The following GABRG3 variants were observed in gnomAD, a reference collection of about 807,000 sequenced individuals.
GABRG3 encodes the protein gamma-aminobutyric acid type A receptor subunit gamma3, also known as gamma-aminobutyric acid receptor subunit gamma-3.
A neutral mutation model predicts 48.8 loss-of-function variants in GABRG3; 25 were observed. The ratio of observed to expected loss-of-function variants is 0.51; its 90% CI spans 0.37 to 0.72. The LOEUF (loss-of-function observed/expected upper bound fraction) is 0.72. GABRG3 is among the 30% of genes least tolerant of loss of function. GABRG3 has a pLI of 0.00. For synonymous variants in GABRG3, 227 were observed against 217.6 expected (o/e 1.04, Z -0.38); for missense variants, 394 against 577.9 (o/e 0.68, Z 3.26).
At chr15:27,308,548 T>C (rs868069382) in intron 3 of GABRG3, among the ~76,000 whole-genome samples, 1 of 148,544 alleles carries the variant, frequency 6.7e-6, no homozygotes, top group African/African-American at 2.4e-5. Flanking sequence ...ATATATAATG[T>C]AAACATACAT....
At chr15:27,308,424 T>C (rs957634602) in intron 3 of GABRG3, among the ~76,000 whole-genome samples, 48 of 146,438 alleles carry the variant, frequency 3.3e-4, no homozygotes, top group Non-Finnish European at 6.5e-4. Flanking sequence ...ACATGTAATG[T>C]AAACATACCT....
intron 3 of GABRG3, among the ~76,000 whole-genome samples, chr15:27,132,988 T>A (rs988372135): frequency 6.6e-5 from 10 of 151,262 alleles, no homozygotes; most frequent in African/African-American, 1.9e-4. Flanking sequence ...TAATTTTTTT[T>A]ATGTGGTCTT....
chr15:27,432,087 A>C (rs1194023381), intron 5 of GABRG3, among the ~76,000 whole-genome samples: 1 of 152,118 alleles, frequency 6.6e-6, no homozygotes, highest in Non-Finnish European at 1.5e-5. Flanking sequence ...AGGATATTCC[A>C]TGTGTGCTTG....
In GABRG3 at chr15:27,052,065, G is replaced by A. The variant is rs1896464511; in HGVS notation, c.270+25244G>A. On this transcript the variant is annotated intron_variant, in intron 3 of 9. Coordinates refer to ENST00000615808, the MANE Select transcript of GABRG3 (RefSeq NM_033223.5). The stretch of plus-strand genomic sequence containing the variant: ...CAGATGAAGCTTCTCTTGCTCGCCC[G>A]CCTCTCACCTCCTGCTGTGTGGCCC... Among the ~76,000 whole-genome samples the A allele has an allele frequency of 2.0e-5, 3 of 152,160 alleles. No individual in the cohort carries two copies. The South Asian group carries it at 6.2e-4, about 32-fold the overall frequency.
intron 5 of GABRG3, among the ~76,000 whole-genome samples, chr15:27,360,993 A>G (rs145186538): frequency 1.2e-3 from 190 of 152,266 alleles, no homozygotes; most frequent in African/African-American, 3.2e-3. Flanking sequence ...AGTTTCCCCA[A>G]CTGAGAAAGG....
chr15:27,130,451 G>A (rs1308997306), intron 3 of GABRG3, among the ~76,000 whole-genome samples: 1 of 151,992 alleles, frequency 6.6e-6, no homozygotes, highest in Non-Finnish European at 1.5e-5. Flanking sequence ...CTGTAACTTT[G>A]TAGTAAGTTT....
At chr15:27,271,202 G>C (rs1398194314) in intron 3 of GABRG3, among the ~76,000 whole-genome samples, 1 of 152,206 alleles carries the variant, frequency 6.6e-6, no homozygotes, top group Non-Finnish European at 1.5e-5. Context: ...AAGGGAGAAA[G>C]GCTGTTCCAC....
chr15:27,493,599 C>T (rs903516204), intron 6 of GABRG3, among the ~76,000 whole-genome samples: 4 of 152,026 alleles, frequency 2.6e-5, no homozygotes, highest in African/African-American at 9.7e-5. Context: ...TGAAAGACTG[C>T]TCTGAAGTTA....
chr15:27,282,533 CTTT>C (rs929057873), intron 3 of GABRG3, among the ~76,000 whole-genome samples: 2 of 152,132 alleles, frequency 1.3e-5, no homozygotes, highest in Non-Finnish European at 2.9e-5. Flanking sequence ...TAGTTACTGT[CTTT>C]TTCAGTTCTA....
intron 3 of GABRG3, among the ~76,000 whole-genome samples, chr15:27,054,811 C>T (rs556186274): frequency 6.6e-6 from 1 of 152,212 alleles, no homozygotes; most frequent in African/African-American, 2.4e-5. Context: ...GTGCACCACA[C>T]TGAAGCCCTG....
intron 3 of GABRG3, among the ~76,000 whole-genome samples, chr15:27,027,996 T>G (rs538369153): frequency 6.6e-6 from 1 of 152,326 alleles, no homozygotes; most frequent in South Asian, 2.1e-4. Flanking sequence ...GGATATATGG[T>G]TACAGAATTA....
chr15:27,004,368 C>T (rs1595467094), intron 2 of GABRG3, among the ~76,000 whole-genome samples: 3 of 151,580 alleles, frequency 2.0e-5, no homozygotes, highest in African/African-American at 7.3e-5. Context: ...GGCAGAGACG[C>T]TCCTCACTTC....
chr15:27,130,910 T>A (rs1261199281), intron 3 of GABRG3, among the ~76,000 whole-genome samples: 1 of 152,042 alleles, frequency 6.6e-6, no homozygotes. Context: ...CCTAACAGGT[T>A]TTTTTCTTTG....
At chr15:27,375,655 G>A (rs976280411) in intron 5 of GABRG3, among the ~76,000 whole-genome samples, 2 of 152,184 alleles carry the variant, frequency 1.3e-5, no homozygotes, top group African/African-American at 4.8e-5. Flanking sequence ...AAGACAGCTT[G>A]TGCAGGGAGA....
chr15:27,441,771 A>C (rs1019974577), intron 5 of GABRG3, among the ~76,000 whole-genome samples: 1 of 152,114 alleles, frequency 6.6e-6, no homozygotes, highest in Non-Finnish European at 1.5e-5. Flanking sequence ...AGAAGCAGGC[A>C]TGCCCACACA....
At chr15:26,985,222 G>A (rs548927959) in intron 2 of GABRG3, among the ~76,000 whole-genome samples, 9 of 152,308 alleles carry the variant, frequency 5.9e-5, no homozygotes, top group African/African-American at 1.9e-4. Context: ...CTGGAGGAAG[G>A]TGCCACCAGG....
At chr15:27,182,048 G>A (rs1887949139) in intron 3 of GABRG3, among the ~76,000 whole-genome samples, 1 of 151,646 alleles carries the variant, frequency 6.6e-6, no homozygotes, top group Non-Finnish European at 1.5e-5. Context: ...CAACCCCATT[G>A]AGTGTTAGTA....
intron 5 of GABRG3, among the ~76,000 whole-genome samples, chr15:27,370,429 A>ACAAC (rs1334111284): frequency 6.6e-6 from 1 of 152,200 alleles, no homozygotes; most frequent in African/African-American, 2.4e-5. Context: ...TGGACATCAG[A>ACAAC]CAACCTAACG....
rs148431027 is a variant in GABRG3, at chr15:27,381,011, C to T, written c.574+52123C>T. ...CAATCTCCTGACCTCGTGATCCACC[C>T]GCCTCGGCCTCCCAAAGTGCTAGGA... On this transcript the variant is annotated intron_variant, in intron 5 of 9. Coordinates refer to ENST00000615808, the MANE Select transcript of GABRG3 (RefSeq NM_033223.5). Among the ~76,000 whole-genome samples the T allele has an allele frequency of 1.9e-3, 283 of 152,152 alleles. 2 individuals carry two copies. Among genetic ancestry groups the T allele is most frequent in the Admixed American group, 4.6e-3 (70 of 15,286 alleles).
Sources: allele counts gnomAD v4.1 joint callset (sites outside exome capture counted in the v4.1 genomes callset), GRCh38; gene constraint gnomAD v4.1.1; transcripts MANE v1.5; gene names NCBI Gene and HGNC (gene_info 2026-07-23, HGNC 2026-07-21).